The following MAN1C1 variants were observed in gnomAD, a reference collection of about 807,000 sequenced individuals.
The protein encoded by MAN1C1 is mannosyl-oligosaccharide 1,2-alpha-mannosidase IC.
Under a neutral mutation model 71.5 loss-of-function variants are expected in MAN1C1, and 49 were observed. The observed-to-expected ratio is 0.69, with a 90% CI of 0.54 to 0.87. The LOEUF (loss-of-function observed/expected upper bound fraction) is 0.87, where lower values mean the gene tolerates loss of function less well. MAN1C1 is among the 40% of genes least tolerant of loss of function. The pLI is 0.00. For missense variants in MAN1C1, 743 were observed against 835.0 expected, an observed-to-expected ratio of 0.89 and a Z score of 1.36; for synonymous variants, 352 against 343.7, an observed-to-expected ratio of 1.02 and a Z score of -0.27.
chr1:25,727,237 C>A (rs2046844144), intron 2 of MAN1C1, among the ~76,000 whole-genome samples: 2 of 152,158 alleles, frequency 1.3e-5, no homozygotes, highest in South Asian at 4.1e-4. Flanking sequence ...AACAACACTG[C>A]TCAGGGTGGG....
chr1:25,668,703 C>T (rs1344561171), intron 1 of MAN1C1, among the ~76,000 whole-genome samples: 1 of 151,960 alleles, frequency 6.6e-6, no homozygotes, highest in Non-Finnish European at 1.5e-5. Flanking sequence ...CTACAGACGC[C>T]CGCCATGATG....
rs1384803413 is a variant in MAN1C1, at chr1:25,631,598, C to T, written c.540+13261C>T. Among the ~76,000 whole-genome samples, 1 of 152,174 alleles carries T rather than the reference C, an allele frequency of 6.6e-6. No individual in the cohort carries two copies. Among genetic ancestry groups the T allele is most frequent in the Non-Finnish European group, 1.5e-5 (1 of 68,046 alleles). ...CCCTGCATCCCTGCTATGAAACCCA[C>T]TTGATCATGGTGTATTACATTTTTG... On this transcript the variant is annotated intron_variant, in intron 1 of 11. Coordinates refer to ENST00000374332, the MANE Select transcript of MAN1C1 (RefSeq NM_020379.4). This position sits in a 1 kb window ranked among gnomAD's most constrained non-coding sequence, Gnocchi z 4.2.
rs1320077922 is a variant in MAN1C1 at position 25,617,812 on chromosome 1, A to T, written c.15A>T (p.Lys5Asn). ...GCCGGGCCACGATGCTCATGAGGAAAGTGCCCGGCTTCGTCCCGGCCTCCC... is the reference window on the plus strand; with the variant it reads ...GCCGGGCCACGATGCTCATGAGGAATGTGCCCGGCTTCGTCCCGGCCTCCC... MLMR[K>N]VPGFVPASPW... The change falls in exon 1 of 12, where the codon AAA (lysine) becomes AAT (asparagine). Residue 5 changes from lysine (K) to asparagine (N), a missense_variant. Transcript: ENST00000374332. The surrounding 1 kb of genome is among the most constrained non-coding windows in gnomAD (Gnocchi z 5.1). 1 of 1,600,690 alleles carries T rather than the reference A, an allele frequency of 6.2e-7. No individual in the cohort carries two copies. Among genetic ancestry groups the T allele is most frequent in the East Asian group, 2.3e-5 (1 of 43,486 alleles).
At chr1:25,664,262 T>G (rs1158071647) in intron 1 of MAN1C1, among the ~76,000 whole-genome samples, 1 of 136,886 alleles carries the variant, frequency 7.3e-6, no homozygotes, top group Non-Finnish European at 1.6e-5. Flanking sequence ...CCCTACTAGT[T>G]TTTTTTTTTT....
chr1:25,764,433 G>A lies in MAN1C1; in HGVS notation c.1141+466G>A, dbSNP rs1391240529. ...TTTTTTTTTGTTTTTTTGTTTTTGA[G>A]ACAGAGTCTCACTCTGTCACCCAGG... On this transcript the variant is annotated intron_variant, in intron 7 of 11. Transcript: ENST00000374332. The surrounding 1 kb of genome is among the most constrained non-coding windows in gnomAD (Gnocchi z 4.4). 6.6e-6 allele frequency among the ~76,000 whole-genome samples: 1 copy of A among 151,644 alleles called. No individual in the cohort carries two copies. The highest frequency in any genetic ancestry group is 1.5e-5 in the Non-Finnish European group (1 of 67,942).
chr1:25,727,107 T>C (rs2046842610), intron 2 of MAN1C1, among the ~76,000 whole-genome samples: 1 of 152,076 alleles, frequency 6.6e-6, no homozygotes. Flanking sequence ...AAGGCTGTAT[T>C]AGACACATAA....
rs564427006 is a variant in MAN1C1, at chr1:25,746,867, C to T, written c.753+84C>T. 7 of 923,154 alleles carry T rather than the reference C, an allele frequency of 7.6e-6. No homozygotes were observed. The highest frequency in any genetic ancestry group is 2.4e-5 in the Admixed American group (1 of 41,448). 57.2% of individuals were successfully genotyped at this position (923,154 alleles called of 1,614,324 possible). ...AGCTTCACCCTGTCATCTCTGAGAC[C>T]CAGAGATGTTGAGGGTCTCTCCCAC... On this transcript the variant is annotated intron_variant, in intron 3 of 11. Transcript: ENST00000374332. This position sits in a 1 kb window ranked among gnomAD's most constrained non-coding sequence, Gnocchi z 4.0.
chr1:25,747,806 G>A (rs142423484), intron 3 of MAN1C1, among the ~76,000 whole-genome samples: 3 of 152,344 alleles, frequency 2.0e-5, no homozygotes, highest in Non-Finnish European at 4.4e-5. Flanking sequence ...CAATGAGAAT[G>A]ATGACAACAG....
chr1:25,775,839 C>G lies in MAN1C1; in HGVS notation c.1258-2266C>G, dbSNP rs575629082. ...TGACCTCCCTCTGCAAAGTACAGCA[C>G]TGCCCCCACCCCAGTTTTTTTTGTT... On this transcript the variant is annotated intron_variant, in intron 8 of 11. Transcript: ENST00000374332. The surrounding 1 kb of genome is among the most constrained non-coding windows in gnomAD (Gnocchi z 5.1). The G allele has an allele frequency of 6.6e-6, 1 of 152,448 alleles. No homozygotes were observed. Among genetic ancestry groups the G allele is most frequent in the African/African-American group, 2.4e-5 (1 of 41,426 alleles). 9.4% of individuals were successfully genotyped at this position (152,448 alleles called of 1,614,324 possible). A position where few individuals can be genotyped will look rare whatever the true frequency, so the allele number is the denominator to read the frequency against.
chr1:25,771,712 C>T lies in MAN1C1; in HGVS notation c.1197C>T (p.Ser399=). The stretch of plus-strand genomic sequence containing the variant: ...GTTTTTATGAATATTTGATCAAATC[C>T]TGGTTGATGTCGGGCAAGACAGATA... ...GDSFYEYLIK[S]WLMSGKTDME... Residue 399 remains serine, a synonymous_variant, in exon 8 of 12, where the codon TCC becomes TCT. Coordinates refer to ENST00000374332, the MANE Select transcript of MAN1C1 (RefSeq NM_020379.4). The T allele has an allele frequency of 6.2e-7, 1 of 1,614,144 alleles. No individual in the cohort carries two copies.
intron 1 of MAN1C1, among the ~76,000 whole-genome samples, chr1:25,669,033 C>T (rs1216653764): frequency 6.6e-6 from 1 of 152,208 alleles, no homozygotes; most frequent in African/African-American, 2.4e-5. Context: ...GAGCCACCAT[C>T]ACCCATAGTT....
intron 2 of MAN1C1, among the ~76,000 whole-genome samples, chr1:25,701,810 G>A (rs986740370): frequency 9.9e-5 from 15 of 152,148 alleles, no homozygotes; most frequent in Non-Finnish European, 1.8e-4. Flanking sequence ...CTGCAATCCC[G>A]GCACTTTGGG....
In MAN1C1 at chr1:25,725,108, T is replaced by C. The variant is rs2046815037; in HGVS notation, c.638-21560T>C. ...GGAAAATGAATGTGGGAGCTGCCTT[T>C]TGTCAAAGCACCATTAAAACCCAGC... On this transcript the variant is annotated intron_variant, in intron 2 of 11. Coordinates refer to ENST00000374332, the MANE Select transcript of MAN1C1 (RefSeq NM_020379.4). The surrounding 1 kb of genome is among the most constrained non-coding windows in gnomAD (Gnocchi z 4.8). 6.6e-6 allele frequency among the ~76,000 whole-genome samples: 1 copy of C among 152,218 alleles called. No homozygotes were observed. Among genetic ancestry groups the C allele is most frequent in the Non-Finnish European group, 1.5e-5 (1 of 68,036 alleles).
chr1:25,660,396 CTTTTTTTT>C lies in MAN1C1; in HGVS notation c.541-26023_541-26016del, dbSNP rs1178878513. On this transcript the variant is annotated intron_variant, in intron 1 of 11. Coordinates refer to ENST00000374332, the MANE Select transcript of MAN1C1 (RefSeq NM_020379.4). ...AGCTTGGGCAACAAGAGTGAAATTC[CTTTTTTTT>C]TTTTTTTTTTTTTTTTTTTTGAGTG... is the stretch of plus-strand genomic sequence containing the variant. Among the ~76,000 whole-genome samples, 272 of 97,616 alleles carry C rather than the reference CTTTTTTTT, an allele frequency of 2.8e-3. 1 individual carries two copies. Among genetic ancestry groups the C allele is most frequent in the East Asian group, 0.011 (39 of 3,678 alleles). 64.0% of individuals were successfully genotyped at this position (97,616 alleles called of 152,430 possible). A position where few individuals can be genotyped will look rare whatever the true frequency, so the allele number is the denominator to read the frequency against.
At chr1:25,758,103 A>G (rs935399218) in intron 5 of MAN1C1, among the ~76,000 whole-genome samples, 5 of 152,030 alleles carry the variant, frequency 3.3e-5, no homozygotes, top group African/African-American at 9.7e-5. Context: ...GGAGAGGGAA[A>G]GAGCTAGGCG....
chr1:25,696,727 G>T (rs563499123), intron 2 of MAN1C1, among the ~76,000 whole-genome samples: 33 of 152,074 alleles, frequency 2.2e-4, no homozygotes, highest in African/African-American at 7.5e-4. Flanking sequence ...GCTCACTGCA[G>T]CCTCTAACTC....
At position 25,652,296 on chromosome 1, in the gene MAN1C1, T is replaced by C. The variant is rs560766601; in HGVS notation, c.540+33959T>C. ...CTGTGCAGGACAGCTGCTGCCTTCTTGGTTGCTGTTGGGAAACAAATGGCT... is the reference window on the plus strand; with the variant it reads ...CTGTGCAGGACAGCTGCTGCCTTCTCGGTTGCTGTTGGGAAACAAATGGCT... On this transcript the variant is annotated intron_variant, in intron 1 of 11. Coordinates refer to ENST00000374332, the MANE Select transcript of MAN1C1 (RefSeq NM_020379.4). 3.3e-5 allele frequency among the ~76,000 whole-genome samples: 5 copies of C among 152,328 alleles called. No homozygotes were observed. The South Asian group carries it at 6.2e-4, about 19-fold the overall frequency.
At chr1:25,673,263 C>T (rs2046018559) in intron 1 of MAN1C1, among the ~76,000 whole-genome samples, 1 of 152,124 alleles carries the variant, frequency 6.6e-6, no homozygotes, top group Non-Finnish European at 1.5e-5. Context: ...ATGCTGTGCC[C>T]AGGTGCTGTG....
intron 2 of MAN1C1, among the ~76,000 whole-genome samples, chr1:25,731,335 C>T (rs2046907421): frequency 6.9e-6 from 1 of 144,662 alleles, no homozygotes; most frequent in Non-Finnish European, 1.5e-5. Context: ...TCATCATCAT[C>T]GTCATCATCA....
Sources: allele counts gnomAD v4.1 joint callset (sites outside exome capture counted in the v4.1 genomes callset), GRCh38; gene constraint gnomAD v4.1.1; non-coding constraint Gnocchi (gnomAD v3.1); transcripts MANE v1.5; gene names NCBI Gene and HGNC (gene_info 2026-07-23, HGNC 2026-07-21).